Variants in OSBPL9 observed in about 807,000 individuals in gnomAD.
The protein encoded by OSBPL9 is oxysterol binding protein like 9.
Under a neutral mutation model 106.6 loss-of-function variants are expected in OSBPL9, and 40 were observed. That is an observed-to-expected ratio of 0.38 (90% CI 0.29 to 0.49). The LOEUF is 0.49. Ranked by LOEUF, OSBPL9 falls within the 20% of genes least tolerant of loss-of-function variation. The pLI is 0.97. For synonymous variants in OSBPL9, 269 were observed against 295.4 expected (o/e 0.91, Z 0.92); for missense variants, 609 against 887.2 (o/e 0.69, Z 3.98).
chr1:51,622,177 A>G (rs963081741), intron 1 of OSBPL9, among the ~76,000 whole-genome samples: 1 of 152,190 alleles, frequency 6.6e-6, no homozygotes, highest in Non-Finnish European at 1.5e-5. Context: ...GATAGGAAGA[A>G]CAGGTTGGGG....
chr1:51,602,015 G>GTTTTTTT (rs1266396456), intron 2 of OSBPL9, among the ~76,000 whole-genome samples: 3 of 16,320 alleles, frequency 1.8e-4, no homozygotes, highest in South Asian at 2.5e-3. Context: ...CATTCTTGGG[G>GTTTTTTT]TTCTTTTTTT....
At chr1:51,604,651 A>G (rs150642625) in intron 2 of OSBPL9, among the ~76,000 whole-genome samples, 1 of 151,938 alleles carries the variant, frequency 6.6e-6, no homozygotes, top group African/African-American at 2.4e-5. Context: ...GGCTAGCTTC[A>G]TGGTTTCTTT....
At chr1:51,753,675 A>T (rs965266313) in intron 8 of OSBPL9, among the ~76,000 whole-genome samples, 1 of 152,220 alleles carries the variant, frequency 6.6e-6, no homozygotes, top group South Asian at 2.1e-4. Flanking sequence ...GCTGATTAGT[A>T]TCAGCTTCTT....
intron 1 of OSBPL9, among the ~76,000 whole-genome samples, chr1:51,588,940 T>C (rs1645260063): frequency 6.6e-6 from 1 of 152,126 alleles, no homozygotes; most frequent in Non-Finnish European, 1.5e-5. Context: ...AGGAAGTGAA[T>C]CTAACAGTGA....
At chr1:51,722,725 C>A (rs189575425) in intron 4 of OSBPL9, among the ~76,000 whole-genome samples, 1 of 152,118 alleles carries the variant, frequency 6.6e-6, no homozygotes, top group African/African-American at 2.4e-5. Context: ...GCAATGGTGG[C>A]CTTGATCATA....
chr1:51,699,941 G>A (rs989589135), intron 3 of OSBPL9, among the ~76,000 whole-genome samples: 3 of 152,162 alleles, frequency 2.0e-5, no homozygotes, highest in African/African-American at 7.2e-5. Context: ...ATGAGGTCAT[G>A]CTGATACCTC....
At chr1:51,738,123 A>C (rs1666108936) in intron 4 of OSBPL9, among the ~76,000 whole-genome samples, 1 of 152,080 alleles carries the variant, frequency 6.6e-6, no homozygotes, top group African/African-American at 2.4e-5. Flanking sequence ...TCAGTGATTT[A>C]AATAGAGAAA....
intron 4 of OSBPL9, among the ~76,000 whole-genome samples, chr1:51,721,628 A>G (rs1662140151): frequency 1.3e-5 from 2 of 152,194 alleles, no homozygotes; most frequent in Admixed American, 6.5e-5. Flanking sequence ...ATTTTTCTTG[A>G]ACTACTTCAC....
At chr1:51,780,664 G>C (rs1279048841) in intron 15 of OSBPL9, among the ~76,000 whole-genome samples, 1 of 152,196 alleles carries the variant, frequency 6.6e-6, no homozygotes, top group Admixed American at 6.5e-5. Flanking sequence ...CTACTCGGGA[G>C]GCTGAGGCAG....
the OSBPL9 span, chr1:51,538,846 C>G: frequency 6.6e-6 from 1 of 152,214 alleles, no homozygotes; most frequent in Non-Finnish European, 1.5e-5. Context: ...TTGACCTTTC[C>G]ACTCAGCTGA....
the OSBPL9 span, among the ~76,000 whole-genome samples, chr1:51,560,067 G>T: frequency 6.6e-6 from 1 of 152,178 alleles, no homozygotes; most frequent in Non-Finnish European, 1.5e-5. Flanking sequence ...AAGCAAGAAA[G>T]TATAAATAAA....
intron 1 of OSBPL9, among the ~76,000 whole-genome samples, chr1:51,591,908 TAA>T (rs1645277066): frequency 6.6e-6 from 1 of 152,112 alleles, no homozygotes; most frequent in Non-Finnish European, 1.5e-5. Context: ...CTGAGTACCC[TAA>T]CACTGGACTT....
At chr1:51,677,228 G>T (rs1345500808) in intron 3 of OSBPL9, among the ~76,000 whole-genome samples, 1 of 152,228 alleles carries the variant, frequency 6.6e-6, no homozygotes, top group Non-Finnish European at 1.5e-5. Context: ...TAGTGATTCT[G>T]ATGCACTCTT....
chr1:51,662,804 G>A (rs1647359349), intron 2 of OSBPL9, among the ~76,000 whole-genome samples: 1 of 149,818 alleles, frequency 6.7e-6, no homozygotes, highest in East Asian at 2.0e-4. Flanking sequence ...GAGTGCAGTG[G>A]CGTGATCTCG....
At chr1:51,719,716 A>G (rs564921694) in intron 4 of OSBPL9, among the ~76,000 whole-genome samples, 4 of 152,314 alleles carry the variant, frequency 2.6e-5, no homozygotes, top group African/African-American at 9.6e-5. Context: ...ATTAAGTATA[A>G]TGTTATTTAA....
At chr1:51,646,512 T>G (rs1646163530) in intron 1 of OSBPL9, among the ~76,000 whole-genome samples, 1 of 152,172 alleles carries the variant, frequency 6.6e-6, no homozygotes, top group Admixed American at 6.5e-5. Flanking sequence ...TAGTTTGTTT[T>G]TGGTGTGGAT....
intron 2 of OSBPL9, among the ~76,000 whole-genome samples, chr1:51,661,013 C>G (rs1420101678): frequency 6.6e-6 from 1 of 152,186 alleles, no homozygotes; most frequent in East Asian, 1.9e-4. Context: ...AAACCTGAGT[C>G]TCAGTTTCTT....
chr1:51,530,653 C>T, the OSBPL9 span, among the ~76,000 whole-genome samples: 5 of 151,520 alleles, frequency 3.3e-5, 1 homozygote, highest in East Asian at 3.9e-4. Flanking sequence ...GCTATGATTG[C>T]GTCACTGCAC....
At chr1:51,685,502 G>A (rs1044810657) in intron 3 of OSBPL9, among the ~76,000 whole-genome samples, 5 of 152,052 alleles carry the variant, frequency 3.3e-5, no homozygotes, top group African/African-American at 9.7e-5. Flanking sequence ...CCACCTCCAG[G>A]GTTCAAGCGA....
Sources: gnomAD v4.1 joint callset for allele counts (sites outside exome capture counted in the v4.1 genomes callset) on GRCh38, gnomAD v4.1.1 for gene constraint, MANE v1.5 for transcripts, NCBI Gene and HGNC (gene_info 2026-07-23, HGNC 2026-07-21) for gene names.